Variants in FAT1 observed in about 807,000 individuals in gnomAD.
The protein encoded by FAT1 is FAT atypical cadherin 1, also known as protocadherin Fat 1.
A neutral mutation model predicts 329.8 loss-of-function variants in FAT1; 171 were observed. The ratio of observed to expected loss-of-function variants is 0.52; its 90% CI spans 0.46 to 0.59. FAT1 has a LOEUF of 0.59. FAT1 is among the 20% of genes least tolerant of loss of function. The pLI, the probability that FAT1 is intolerant of heterozygous loss-of-function variation, is 0.00. For synonymous variants in FAT1, 2,233 were observed against 2,228.6 expected (o/e 1.00, Z -0.06); for missense variants, 5,672 against 5,774.4 (o/e 0.98, Z 0.57).
intron 2 of FAT1, among the ~76,000 whole-genome samples, chr4:186,701,408 T>G (rs2126674924): frequency 6.6e-6 from 1 of 152,306 alleles, no homozygotes; most frequent in African/African-American, 2.4e-5. Flanking sequence ...TCTCTTAAGC[T>G]TTCCTAGGAG....
intron 2 of FAT1, among the ~76,000 whole-genome samples, chr4:186,701,174 G>C (rs1744293124): frequency 6.6e-6 from 1 of 152,084 alleles, no homozygotes; most frequent in Non-Finnish European, 1.5e-5. Flanking sequence ...TAAGAAAATG[G>C]AACTTCCTTA....
rs376744000 is a variant in FAT1, at chr4:186,619,330, C to A, written c.7256G>T (p.Ser2419Ile). The A allele has an allele frequency of 6.2e-7, 1 of 1,614,074 alleles. No individual in the cohort carries two copies. The highest frequency in any genetic ancestry group is 8.5e-7 in the Non-Finnish European group (1 of 1,179,912). Residue 2419 changes from serine (S) to isoleucine (I), a missense_variant, in exon 10 of 27, where the codon AGT (serine) becomes ATT (isoleucine). This residue lies in a region of FAT1 where 3,966 missense variants were observed against 3,915.2 expected (regional missense o/e 1.01). Transcript: ENST00000441802. ...ATACTGCAACTTGTCTATGTCTGAACTGTCTGCATCATAGGCTTTTACACA... is the reference window on the plus strand; with the variant it reads ...ATACTGCAACTTGTCTATGTCTGAAATGTCTGCATCATAGGCTTTTACACA... ...VTCVKAYDAD[S>I]SDIDKLQYSI...
At chr4:186,613,968 T>C (rs1034750837) in intron 12 of FAT1, among the ~76,000 whole-genome samples, 18 of 152,228 alleles carry the variant, frequency 1.2e-4, no homozygotes, top group African/African-American at 4.1e-4. Context: ...TTTAAATCCT[T>C]TTTTCAATTA....
At chr4:186,657,368 T>C (rs1212561078) in intron 3 of FAT1, among the ~76,000 whole-genome samples, 1 of 152,092 alleles carries the variant, frequency 6.6e-6, no homozygotes, top group Admixed American at 6.5e-5. Context: ...ATGCGAAGTA[T>C]AAGAAGCCTT....
Position 186,619,156 on chromosome 4 carries a change from T to G in FAT1, c.7430A>C (p.Gln2477Pro). The G allele has an allele frequency of 6.2e-7, 1 of 1,613,988 alleles. No homozygotes were observed. Among genetic ancestry groups the G allele is most frequent in the Non-Finnish European group, 8.5e-7 (1 of 1,179,902 alleles). Residue 2477 changes from glutamine (Q) to proline (P), a missense_variant, in exon 10 of 27, where the codon CAG (glutamine) becomes CCG (proline). By Grantham distance (76) the Gln-to-Pro change is moderately conservative. Coordinates refer to ENST00000441802, the MANE Select transcript of FAT1 (RefSeq NM_005245.4). ...VSDGVFRSSTQVHVTVIGGNL... is the reference protein window; with the variant it reads ...VSDGVFRSSTPVHVTVIGGNL... The stretch of plus-strand genomic sequence containing the variant: ...GCCTCCAATTACAGTTACATGAACC[T>G]GGGTGGAACTTCTAAAAACTCCATC...
rs565634646 is a variant in FAT1, at chr4:186,684,078, T to C, written c.3266-20465A>G. Among the ~76,000 whole-genome samples the C allele has an allele frequency of 5.8e-4, 88 of 152,298 alleles. 1 individual carries two copies. The highest frequency in any genetic ancestry group is 2.2e-4 in the Non-Finnish European group (15 of 68,024). ...AGTAAATTAACAGTTTAAATAGAAC[T>C]ATAAACATATGCTTACCTACTGAAT... On this transcript the variant is annotated intron_variant, in intron 2 of 26. Transcript: ENST00000441802.
chr4:186,597,705 A>G lies in FAT1; in HGVS notation c.12345T>C (p.Cys4115=), dbSNP rs375107697. 1 of 1,613,814 alleles carries G rather than the reference A, an allele frequency of 6.2e-7. No individual in the cohort carries two copies. The highest frequency in any genetic ancestry group is 8.5e-7 in the Non-Finnish European group (1 of 1,179,846). The change falls in exon 24 of 27, where the codon TGT becomes TGC. Residue 4115 remains cysteine, a synonymous_variant. Transcript: ENST00000441802. ...FDSLDGAVCQ[C]DSGFRGERCQ... is the part of the protein sequence containing the mutation. ...ACCTTTCTCCCCTAAAACCCGAATC[A>G]CACTGACAAACGGCGCCATCCAAAC...
chr4:186,598,905 C>T (rs891059390), intron 22 of FAT1: 6 of 152,454 alleles, frequency 3.9e-5, no homozygotes, highest in African/African-American at 1.2e-4. Flanking sequence ...GCCTTGAGGG[C>T]ACACCGCAGC....
At chr4:186,646,465 C>T (rs571094303) in intron 3 of FAT1, among the ~76,000 whole-genome samples, 4 of 152,272 alleles carry the variant, frequency 2.6e-5, no homozygotes, top group Non-Finnish European at 4.4e-5. Flanking sequence ...TATGGTAGCA[C>T]CTGGCCACAT....
intron 2 of FAT1, among the ~76,000 whole-genome samples, chr4:186,694,359 C>G (rs1241043997): frequency 6.6e-6 from 1 of 152,160 alleles, no homozygotes; most frequent in East Asian, 1.9e-4. Context: ...TAAAGAGTTA[C>G]TTTTAAATAG....
At position 186,709,185 on chromosome 4, in the gene FAT1, T is replaced by C. The variant is rs1219423522; in HGVS notation, c.643A>G (p.Thr215Ala). The change falls in exon 2 of 27, where the codon ACC (threonine) becomes GCC (alanine). Residue 215 changes from threonine (T) to alanine (A), a missense_variant. Thr to Ala is a moderately conservative substitution (Grantham distance 58). Transcript: ENST00000441802. ...AGGATTTCCATCTCATAGAGCTTGG[T>C]CTCTAGGTAATCAAGTCTACCAGTT... ...VLTGRLDYLE[T>A]KLYEMEILAA... 8 of 1,613,880 alleles carry C rather than the reference T, an allele frequency of 5.0e-6. No individual in the cohort carries two copies. The African/African-American group carries it at 1.1e-4, about 22-fold the overall frequency.
rs1442278079 is a variant in FAT1, at chr4:186,689,723, G to A, written c.3265+16840C>T. On this transcript the variant is annotated intron_variant, in intron 2 of 26. Coordinates refer to ENST00000441802, the MANE Select transcript of FAT1 (RefSeq NM_005245.4). ...GGTATCTGGCACCCACCCACACCAG[G>A]CTAATTCAACAGGCAGAACTACTTA... Among the ~76,000 whole-genome samples, 8 of 152,232 alleles carry A rather than the reference G, an allele frequency of 5.3e-5. No homozygotes were observed. In the South Asian group the frequency reaches 1.0e-3, roughly 20 times the overall value.
chr4:186,635,964 C>G (rs1231391476), intron 6 of FAT1, 61 bp downstream of exon 6: 9 of 1,433,300 alleles, frequency 6.3e-6, no homozygotes, highest in African/African-American at 2.8e-5. Context: ...CTCATCAAAC[C>G]GTATGCAGGT....
At position 186,700,311 on chromosome 4, in the gene FAT1, T is replaced by C. The variant is rs115597938; in HGVS notation, c.3265+6252A>G. The stretch of plus-strand genomic sequence containing the variant: ...ATTTTTACCGATTAAATCACACTTT[T>C]ACAACTGCAAACACAAATATGACAC... On this transcript the variant is annotated intron_variant, in intron 2 of 26. Coordinates refer to ENST00000441802, the MANE Select transcript of FAT1 (RefSeq NM_005245.4). 2.3e-3 allele frequency among the ~76,000 whole-genome samples: 345 copies of C among 152,318 alleles called. 2 individuals carry two copies. Among genetic ancestry groups the C allele is most frequent in the African/African-American group, 7.8e-3 (323 of 41,568 alleles).
chr4:186,649,488 G>A (rs1253870202), intron 3 of FAT1, among the ~76,000 whole-genome samples: 1 of 152,092 alleles, frequency 6.6e-6, no homozygotes, highest in Non-Finnish European at 1.5e-5. Flanking sequence ...GACCACCTTG[G>A]ATTTATGGTG....
At position 186,706,848 on chromosome 4, in the gene FAT1, T is replaced by C. The variant is rs1377255772; in HGVS notation, c.2980A>G (p.Lys994Glu). The change falls in exon 2 of 27, where the codon AAG (lysine) becomes GAG (glutamate). Residue 994 changes from lysine (K) to glutamate (E), a missense_variant. Lys to Glu is a moderately conservative substitution (Grantham distance 56, BLOSUM62 1). Around this residue, in one of 2 missense-constraint regions of FAT1, gnomAD observed 3,966 missense variants for 3,915.2 expected, o/e 1.01. Coordinates refer to ENST00000441802, the MANE Select transcript of FAT1 (RefSeq NM_005245.4). Reference sequence around the variant, plus strand: ...CTCACAGTGAGATTATACACTTGCTTCTTCTCAAAGTCCAACTGCTGGACG... The same window carrying C: ...CTCACAGTGAGATTATACACTTGCTCCTTCTCAAAGTCCAACTGCTGGACG... The part of the protein sequence containing the change: ...RIVQQLDFEK[K>E]QVYNLTVRAK... 6.2e-7 allele frequency: 1 copy of C among 1,613,954 alleles called. No individual in the cohort carries two copies. The highest frequency in any genetic ancestry group is 1.1e-5 in the South Asian group (1 of 91,076).
At chr4:186,622,896 T>C (rs1443824918) in intron 9 of FAT1, among the ~76,000 whole-genome samples, 3 of 152,244 alleles carry the variant, frequency 2.0e-5, no homozygotes, top group African/African-American at 7.2e-5. Context: ...GCCACTTAAC[T>C]GCTTTCTCAG....
chr4:186,604,007 T>A (rs1199500323), intron 18 of FAT1, 30 bp from the exon 19 acceptor site: 2 of 1,525,958 alleles, frequency 1.3e-6, no homozygotes, highest in South Asian at 2.3e-5. Context: ...AAATCACCTT[T>A]GTCTATGGCA....
intron 2 of FAT1, among the ~76,000 whole-genome samples, chr4:186,673,908 A>ACCACCGG (rs1742840614): frequency 1.3e-5 from 2 of 152,154 alleles, no homozygotes; most frequent in Non-Finnish European, 2.9e-5. Context: ...GATAAGCTCT[A>ACCACCGG]CTGTTAAAGA....
Sources: gnomAD v4.1 joint callset for allele counts (sites outside exome capture counted in the v4.1 genomes callset) on GRCh38, gnomAD v4.1.1 for gene constraint, gnomAD v4.1.1 regional missense constraint, MANE v1.5 for transcripts, NCBI Gene and HGNC (gene_info 2026-07-23, HGNC 2026-07-21) for gene names.